Variants in RAD54L2 observed in about 807,000 individuals in gnomAD.
RAD54L2 encodes the protein helicase ARIP4.
A neutral mutation model predicts 138.4 loss-of-function variants in RAD54L2; 27 were observed. That is an observed-to-expected ratio of 0.20 (90% confidence interval 0.14 to 0.27). The LOEUF is 0.27. Among genes scored for constraint, RAD54L2 ranks in the 10% least tolerant of loss-of-function variants. The pLI is 1.00. For missense variants in RAD54L2, 1,396 were observed against 1,890.2 expected, an observed-to-expected ratio of 0.74 and a Z score of 4.85; for synonymous variants, 644 against 723.2, an observed-to-expected ratio of 0.89 and a Z score of 1.76.
chr3:51,554,280 T>C (rs1401904014), intron 2 of RAD54L2, among the ~76,000 whole-genome samples: 1 of 150,922 alleles, frequency 6.6e-6, no homozygotes, highest in Non-Finnish European at 1.5e-5. Flanking sequence ...GGCAGGAGAA[T>C]CTCTTGAACC....
intron 20 of RAD54L2, among the ~76,000 whole-genome samples, chr3:51,657,139 T>C (rs940000581): frequency 3.3e-5 from 5 of 152,218 alleles, no homozygotes; most frequent in African/African-American, 1.2e-4. Flanking sequence ...TATTATCTAC[T>C]AATTCTTGAA....
intron 2 of RAD54L2, among the ~76,000 whole-genome samples, chr3:51,588,534 C>CAAAAAAAAA (rs71633079): frequency 2.0e-5 from 1 of 49,440 alleles, no homozygotes; most frequent in African/African-American, 7.2e-5. Flanking sequence ...AACTGCATCT[C>CAAAAAAAAA]AAAAAAAAAA....
At chr3:51,587,151 A>C (rs1166948056) in intron 2 of RAD54L2, among the ~76,000 whole-genome samples, 1 of 151,032 alleles carries the variant, frequency 6.6e-6, no homozygotes, top group Non-Finnish European at 1.5e-5. Flanking sequence ...CCCAGGCTGG[A>C]GTGCAGTGGC....
Position 51,580,048 on chromosome 3 carries a change from G to C in RAD54L2, c.-54-10319G>C, listed in dbSNP as rs199527946. On this transcript the variant is annotated intron_variant, in intron 2 of 22. Transcript: ENST00000684192. ...AACAGTATTCAATTCTGACACTGCC[G>C]GGAGTTGGAGCAGATACCACAGGCT... Among the ~76,000 whole-genome samples the C allele has an allele frequency of 1.6e-4, 25 of 151,852 alleles. No individual in the cohort carries two copies. The East Asian group carries it at 4.6e-3, about 28-fold the overall frequency.
intron 3 of RAD54L2, among the ~76,000 whole-genome samples, chr3:51,601,951 C>T (rs1700091991): frequency 6.6e-6 from 1 of 151,566 alleles, no homozygotes. Context: ...CTGCCTCAGC[C>T]CCCTGAGTTG....
intron 19 of RAD54L2, among the ~76,000 whole-genome samples, chr3:51,648,734 C>T (rs2106831422): frequency 6.6e-6 from 1 of 152,266 alleles, no homozygotes; most frequent in African/African-American, 2.4e-5. Flanking sequence ...AGAAGGAAAA[C>T]TACAGAAAGG....
At chr3:51,626,698 G>T (rs1700699384) in intron 3 of RAD54L2, among the ~76,000 whole-genome samples, 1 of 151,838 alleles carries the variant, frequency 6.6e-6, no homozygotes, top group Admixed American at 6.6e-5. Flanking sequence ...TCCCGCCTCA[G>T]CCTATCAAAG....
chr3:51,597,076 A>T (rs1286988792), intron 3 of RAD54L2, among the ~76,000 whole-genome samples: 2 of 143,278 alleles, frequency 1.4e-5, no homozygotes, highest in Non-Finnish European at 3.0e-5. Context: ...GAGACAGGAG[A>T]GTTGCTTGAA....
intron 1 of RAD54L2, chr3:51,541,242 C>T (rs1698540513): frequency 6.6e-6 from 1 of 152,042 alleles, no homozygotes; most frequent in Non-Finnish European, 1.5e-5. Flanking sequence ...TCAGGTATAT[C>T]AAGCTTTTAA....
intron 21 of RAD54L2, 29 bp from the exon 22 acceptor site, chr3:51,659,997 C>CT (rs756182406): frequency 6.5e-7 from 1 of 1,542,150 alleles, no homozygotes; most frequent in African/African-American, 1.4e-5. Flanking sequence ...ATGTCTGCCT[C>CT]TAACTGTCTT....
Position 51,656,174 on chromosome 3 carries a change from G to A in RAD54L2, c.3226+4G>A. 6.2e-7 allele frequency: 1 copy of A among 1,600,076 alleles called. No individual in the cohort carries two copies. Among genetic ancestry groups the A allele is most frequent in the Non-Finnish European group, 8.6e-7 (1 of 1,169,234 alleles). On this transcript the variant is annotated splice_donor_region_variant and intron_variant, in intron 20 of 22. Transcript: ENST00000684192. ...CAGAAGGTGGTCACCACGACAGGTG[G>A]GAACTCCTGGGCTCTGTGGCAGAGC...
At chr3:51,621,453 A>G in intron 3 of RAD54L2, among the ~76,000 whole-genome samples, 1 of 152,254 alleles carries the variant, frequency 6.6e-6, no homozygotes, top group South Asian at 2.1e-4. Context: ...CACAAGCCTT[A>G]TAACTTGGGA....
chr3:51,538,794 C>T lies in RAD54L2; in HGVS notation c.-238C>T, dbSNP rs985658339. Among the ~76,000 whole-genome samples, 1 of 151,682 alleles carries T rather than the reference C, an allele frequency of 6.6e-6. No individual in the cohort carries two copies. The highest frequency in any genetic ancestry group is 1.5e-5 in the Non-Finnish European group (1 of 67,906). On this transcript the variant is annotated 5_prime_UTR_variant, in exon 1 of 23. Transcript: ENST00000684192. ...CGCGGCGCCCGGGCCTGGCCGGCTGCTTCCCGCCTCAGCCGCCGCCCCCGC... is the reference window on the plus strand; with the variant it reads ...CGCGGCGCCCGGGCCTGGCCGGCTGTTTCCCGCCTCAGCCGCCGCCCCCGC...
intron 3 of RAD54L2, among the ~76,000 whole-genome samples, chr3:51,618,762 G>T (rs139083889): frequency 1.3e-5 from 2 of 152,268 alleles, no homozygotes; most frequent in Non-Finnish European, 2.9e-5. Context: ...ACAAGAATGT[G>T]AGTTACTGTG....
rs1208970870 is a variant in RAD54L2 at position 51,583,678 on chromosome 3, C to T, written c.-54-6689C>T. Among the ~76,000 whole-genome samples the T allele has an allele frequency of 6.0e-5, 9 of 150,860 alleles. No individual in the cohort carries two copies. The East Asian group carries it at 1.2e-3, about 20-fold the overall frequency. Reference sequence around the variant, plus strand: ...CCGACCTCAGGTGATCTGCCCGCCTCGGCCTCCCAAAGTGCTGGGATTACA... The same window carrying T: ...CCGACCTCAGGTGATCTGCCCGCCTTGGCCTCCCAAAGTGCTGGGATTACA... On this transcript the variant is annotated intron_variant, in intron 2 of 22. Transcript: ENST00000684192.
At chr3:51,641,919 G>A (rs751189124) in intron 15 of RAD54L2, 52 bp downstream of exon 15, 1 of 1,283,126 alleles carries the variant, frequency 7.8e-7, no homozygotes, top group South Asian at 1.3e-5. Context: ...CTGCTTAAGG[G>A]TTTCCTTTCC....
At position 51,639,931 on chromosome 3, in the gene RAD54L2, C is replaced by T. The variant is rs1340194669; in HGVS notation, c.2163C>T (p.Pro721=). ...NYQTGVLENS[P]KMVLLFHLIE... ...AGACTGGAGTCCTAGAAAACTCTCC[C>T]AAGATGGTACTGCTTTTCCACCTGA... Residue 721 remains proline, a synonymous_variant, in exon 14 of 23, where the codon CCC becomes CCT. Transcript: ENST00000684192. The T allele has an allele frequency of 1.2e-6, 2 of 1,612,444 alleles. No individual in the cohort carries two copies. The highest frequency in any genetic ancestry group is 2.2e-5 in the East Asian group (1 of 44,848).
chr3:51,573,983 C>G (rs956232507), intron 2 of RAD54L2, among the ~76,000 whole-genome samples: 1 of 149,746 alleles, frequency 6.7e-6, no homozygotes, highest in African/African-American at 2.5e-5. Flanking sequence ...TCTCTTAATG[C>G]TATCCCTCCC....
chr3:51,657,541 C>A, intron 20 of RAD54L2, 39 bp from the exon 21 acceptor site: 2 of 1,371,362 alleles, frequency 1.5e-6, no homozygotes, highest in Non-Finnish European at 2.0e-6. Context: ...TTCAGTCAGG[C>A]CCCGTGCAAT....
Sources: gnomAD v4.1 joint callset for allele counts (sites outside exome capture counted in the v4.1 genomes callset) on GRCh38, gnomAD v4.1.1 for gene constraint, MANE v1.5 for transcripts, NCBI Gene and HGNC (gene_info 2026-07-23, HGNC 2026-07-21) for gene names.